RSRC1: variants seen among roughly 807,000 people sequenced by gnomAD.
RSRC1 encodes serine/Arginine-related protein 53.
RSRC1 carries 39 observed loss-of-function variants against 49.1 expected under a neutral mutation model. The ratio of observed to expected loss-of-function variants is 0.79; its 90% CI spans 0.61 to 1.04. The LOEUF is 1.04. Ranked by LOEUF, RSRC1 falls within the 50% of genes least tolerant of loss-of-function variation. The probability of loss-of-function intolerance (pLI) is 0.00; values close to 1 mark genes in which losing one functional copy is unlikely to be tolerated. For missense variants in RSRC1, 388 were observed against 402.4 expected (o/e 0.96, Z 0.31); for synonymous variants, 143 against 130.8 (o/e 1.09, Z -0.63).
At chr3:158,240,648 T>C (rs1723519577) in intron 4 of RSRC1, among the ~76,000 whole-genome samples, 1 of 152,220 alleles carries the variant, frequency 6.6e-6, no homozygotes, top group African/African-American at 2.4e-5. Context: ...TGGTTTTGCT[T>C]TCCAGGATTT....
intron 5 of RSRC1, among the ~76,000 whole-genome samples, chr3:158,354,381 A>G (rs940560725): frequency 1.3e-5 from 2 of 152,246 alleles, no homozygotes; most frequent in Non-Finnish European, 2.9e-5. Flanking sequence ...CCGGAAGCAT[A>G]TAAGCCAAAT....
intron 5 of RSRC1, among the ~76,000 whole-genome samples, chr3:158,332,021 G>C (rs1326184515): frequency 6.6e-6 from 1 of 151,822 alleles, no homozygotes; most frequent in South Asian, 2.1e-4. Flanking sequence ...CTTAATTTAT[G>C]TCATTTTTTA....
chr3:158,499,685 C>T (rs1387469651), intron 7 of RSRC1, among the ~76,000 whole-genome samples: 2 of 152,020 alleles, frequency 1.3e-5, no homozygotes, highest in African/African-American at 2.4e-5. Flanking sequence ...TCCAGTTGGT[C>T]GCTGTTAGTG....
intron 4 of RSRC1, among the ~76,000 whole-genome samples, chr3:158,290,555 G>A (rs985681572): frequency 2.6e-5 from 4 of 152,114 alleles, no homozygotes; most frequent in Admixed American, 6.5e-5. Context: ...GATTACAGGC[G>A]TCAGCCACCA....
chr3:158,478,960 A>C (rs1738498408), intron 7 of RSRC1, among the ~76,000 whole-genome samples: 1 of 150,726 alleles, frequency 6.6e-6, no homozygotes, highest in Non-Finnish European at 1.5e-5. Context: ...AAAAAAAAAA[A>C]AAAAACCTTA....
At chr3:158,433,598 A>G (rs1186947116) in intron 6 of RSRC1, among the ~76,000 whole-genome samples, 1 of 151,972 alleles carries the variant, frequency 6.6e-6, no homozygotes, top group African/African-American at 2.4e-5. Flanking sequence ...TTTAGCACAC[A>G]TATTACTTAG....
intron 6 of RSRC1, among the ~76,000 whole-genome samples, chr3:158,426,370 A>AG (rs1560037674): frequency 6.6e-6 from 1 of 151,394 alleles, no homozygotes; most frequent in African/African-American, 2.4e-5. Flanking sequence ...CAAATCAGTA[A>AG]GAAAAAAAAA....
At position 158,477,801 on chromosome 3, in the gene RSRC1, TATATATATATATATA is replaced by T. The variant is rs1738442215; in HGVS notation, c.652+16799_652+16813del. On this transcript the variant is annotated intron_variant, in intron 7 of 9. Transcript: ENST00000611884. ...TGGGATAGGTTGCGGGAGGGATTTA[TATATATATATATATA>T]TATATATATATGAAAGCCCTATGAT... is the stretch of plus-strand genomic sequence containing the variant. Among the ~76,000 whole-genome samples, 5 of 80,614 alleles carry T rather than the reference TATATATATATATATA, an allele frequency of 6.2e-5. 1 individual carries two copies. Among genetic ancestry groups the T allele is most frequent in the African/African-American group, 2.2e-4 (5 of 22,642 alleles). The allele number at this position is 80,614 out of a possible 152,430, so 52.9% of individuals were successfully genotyped here. A position where few individuals can be genotyped will look rare whatever the true frequency, so the allele number is the denominator to read the frequency against.
Position 158,364,816 on chromosome 3 carries a change from A to AAATAATAATAATAATAAT in RSRC1, c.583+9925_583+9942dup, listed in dbSNP as rs59055843. 3.3e-3 allele frequency among the ~76,000 whole-genome samples: 477 copies of AAATAATAATAATAATAAT among 144,200 alleles called. 2 individuals are homozygous for AAATAATAATAATAATAAT. Among genetic ancestry groups the AAATAATAATAATAATAAT allele is most frequent in the Non-Finnish European group, 4.3e-3 (283 of 66,088 alleles). 94.6% of individuals were successfully genotyped at this position (144,200 alleles called of 152,430 possible). A position where few individuals can be genotyped will look rare whatever the true frequency, so the allele number is the denominator to read the frequency against. On this transcript the variant is annotated intron_variant, in intron 6 of 9. Coordinates refer to ENST00000611884, the MANE Select transcript of RSRC1 (RefSeq NM_001271838.2). Reference sequence around the variant, plus strand: ...CAGTTTTTTATTTACAGAATGGGAAAAATAATAATAATAATAATAATAATA... The same window carrying AAATAATAATAATAATAAT: ...CAGTTTTTTATTTACAGAATGGGAAAAATAATAATAATAATAATAATAATAATAATAATAATAATAATA...
At chr3:158,455,554 T>C (rs1737263398) in intron 6 of RSRC1, among the ~76,000 whole-genome samples, 1 of 152,172 alleles carries the variant, frequency 6.6e-6, no homozygotes, top group Non-Finnish European at 1.5e-5. Flanking sequence ...TCTGGTGATA[T>C]ACTACCAGTG....
intron 5 of RSRC1, chr3:158,336,685 C>T (rs1170486477): frequency 6.6e-6 from 1 of 152,106 alleles, no homozygotes; most frequent in Non-Finnish European, 1.5e-5. Context: ...GTGATGCCAC[C>T]TCAGTGCCTG....
At chr3:158,406,643 T>C (rs959936548) in intron 6 of RSRC1, among the ~76,000 whole-genome samples, 2 of 151,986 alleles carry the variant, frequency 1.3e-5, no homozygotes, top group African/African-American at 4.8e-5. Flanking sequence ...TTAATTAGAG[T>C]AATCAGAAAC....
chr3:158,361,564 C>T (rs887711715), intron 6 of RSRC1, among the ~76,000 whole-genome samples: 8 of 152,222 alleles, frequency 5.3e-5, no homozygotes, highest in African/African-American at 1.7e-4. Context: ...TTGCTGCCAT[C>T]ATTGGGTATC....
Position 158,123,858 on chromosome 3 carries a change from T to C in RSRC1, c.195-8T>C, listed in dbSNP as rs1212305331. ...ATAGCAGTGATCTTTGATTATATTT[T>C]ATTTCAGACGCAGGCATCGATCAAG... is the stretch of plus-strand genomic sequence containing the variant. On this transcript the variant is annotated splice_polypyrimidine_tract_variant and splice_region_variant and intron_variant, in intron 2 of 9. Coordinates refer to ENST00000611884, the MANE Select transcript of RSRC1 (RefSeq NM_001271838.2). 4 of 1,595,734 alleles carry C rather than the reference T, an allele frequency of 2.5e-6. No individual in the cohort carries two copies. Among genetic ancestry groups the C allele is most frequent in the Non-Finnish European group, 2.6e-6 (3 of 1,173,350 alleles).
chr3:158,533,806 A>G (rs1337739226), intron 7 of RSRC1, among the ~76,000 whole-genome samples: 2 of 151,660 alleles, frequency 1.3e-5, no homozygotes, highest in African/African-American at 4.8e-5. Flanking sequence ...ACAGACTAGT[A>G]CCCATTATGA....
chr3:158,144,401 T>TG (rs1716945641), intron 3 of RSRC1, among the ~76,000 whole-genome samples: 1 of 152,134 alleles, frequency 6.6e-6, no homozygotes, highest in South Asian at 2.1e-4. Flanking sequence ...TTTTTGTCCT[T>TG]GCGATAGTTT....
chr3:158,347,964 G>A (rs560986695), intron 5 of RSRC1, among the ~76,000 whole-genome samples: 1 of 152,246 alleles, frequency 6.6e-6, no homozygotes, highest in East Asian at 1.9e-4. Context: ...GGCATGCAGT[G>A]CTTAATAATC....
chr3:158,431,613 C>A (rs1578470156), intron 6 of RSRC1, among the ~76,000 whole-genome samples: 2 of 151,734 alleles, frequency 1.3e-5, no homozygotes, highest in East Asian at 3.9e-4. Flanking sequence ...TATATTAAAT[C>A]CTTTTGAGTT....
At chr3:158,304,052 C>T (rs972682612) in intron 5 of RSRC1, among the ~76,000 whole-genome samples, 12 of 152,120 alleles carry the variant, frequency 7.9e-5, no homozygotes, top group African/African-American at 2.7e-4. Context: ...GGTTTTGTCT[C>T]TCCACAGAAG....
Sources: gnomAD v4.1 joint callset for allele counts (sites outside exome capture counted in the v4.1 genomes callset) on GRCh38, gnomAD v4.1.1 for gene constraint, MANE v1.5 for transcripts, NCBI Gene and HGNC (gene_info 2026-07-23, HGNC 2026-07-21) for gene names.